The following DCDC1 variants were observed in gnomAD, a reference collection of about 807,000 sequenced individuals.
The protein encoded by DCDC1 is doublecortin domain-containing protein 1.
In DCDC1, 200 loss-of-function variants were observed where a neutral mutation model predicts 178.3. The ratio of observed to expected loss-of-function variants is 1.12; its 90% confidence interval spans 1.00 to 1.26. The LOEUF is 1.26. DCDC1 is among the 50% of genes most tolerant of loss of function. The pLI, the probability that DCDC1 is intolerant of heterozygous loss-of-function variation, is 0.00. For synonymous variants in DCDC1, 690 were observed against 604.8 expected, an observed-to-expected ratio of 1.14 and a Z score of -2.07; for missense variants, 1,983 against 1,749.2, an observed-to-expected ratio of 1.13 and a Z score of -2.38.
In DCDC1 at chr11:31,307,621, G is replaced by A. The variant is rs74994629; in HGVS notation, c.434+18C>T. The A allele has an allele frequency of 1.8e-4, 285 of 1,612,338 alleles. 1 individual carries two copies. In the African/African-American group the frequency reaches 3.5e-3, roughly 20 times the overall value. ...CTTCAACAATAGGTTAAAAAGAACAGAGAACAGCTTTGATTACCTCAGTTG... is the reference window on the plus strand; with the variant it reads ...CTTCAACAATAGGTTAAAAAGAACAAAGAACAGCTTTGATTACCTCAGTTG... On this transcript the variant is annotated intron_variant, in intron 4 of 38. Transcript: ENST00000684477.
At chr11:31,263,003 G>A (rs906817653) in intron 8 of DCDC1, 40 of 1,597,516 alleles carry the variant, frequency 2.5e-5, no homozygotes, top group Non-Finnish European at 3.1e-5. Flanking sequence ...TCTGGGATAC[G>A]TGAAGCACGA....
chr11:31,302,316 T>C (rs1324487825), intron 6 of DCDC1, among the ~76,000 whole-genome samples: 4 of 152,132 alleles, frequency 2.6e-5, no homozygotes, highest in Non-Finnish European at 5.9e-5. Context: ...GATCCAAGAA[T>C]TTTCACTGTG....
At position 31,303,346 on chromosome 11, in the gene DCDC1, T is replaced by C. The variant is rs574081786; in HGVS notation, c.754+2269A>G. Among the ~76,000 whole-genome samples, 13 of 152,322 alleles carry C rather than the reference T, an allele frequency of 8.5e-5. No individual in the cohort carries two copies. In the East Asian group the frequency reaches 2.1e-3, roughly 25 times the overall value. ...ATTTAGAAAGATACATCATTAACACTTAATTCTGCCAATTGATTTCCCCTA... is the reference window on the plus strand; with the variant it reads ...ATTTAGAAAGATACATCATTAACACCTAATTCTGCCAATTGATTTCCCCTA... On this transcript the variant is annotated intron_variant, in intron 6 of 38. Coordinates refer to ENST00000684477, the MANE Select transcript of DCDC1 (RefSeq NM_001387274.1).
At chr11:31,132,783 C>T (rs1962611317) in intron 10 of DCDC1, among the ~76,000 whole-genome samples, 1 of 152,310 alleles carries the variant, frequency 6.6e-6, no homozygotes, top group South Asian at 2.1e-4. Flanking sequence ...AGAAAGCCTA[C>T]ACATTCTACT....
intron 1 of DCDC1, among the ~76,000 whole-genome samples, chr11:31,341,445 G>A (rs546180824): frequency 7.4e-5 from 9 of 121,406 alleles, no homozygotes; most frequent in Non-Finnish European, 8.8e-5. Context: ...ATAGACATGT[G>A]TTGCTTAACA....
intron 20 of DCDC1, among the ~76,000 whole-genome samples, chr11:31,015,669 C>T (rs541246865): frequency 2.0e-5 from 3 of 152,118 alleles, no homozygotes; most frequent in East Asian, 1.9e-4. Context: ...GGTATGAATG[C>T]GGCGGTTTGG....
chr11:30,878,716 T>TAAA lies in DCDC1; in HGVS notation c.5234-8_5234-6dup. ...TCTCCATCAGTTGTTTTAACTCTGT[T>TAAA]AAAAAAAAAAAAAAAAGAAGTTGAG... is the stretch of plus-strand genomic sequence containing the variant. On this transcript the variant is annotated splice_region_variant and splice_polypyrimidine_tract_variant and intron_variant, in intron 37 of 38. Coordinates refer to ENST00000684477, the MANE Select transcript of DCDC1 (RefSeq NM_001387274.1). 1.7e-5 allele frequency: 24 copies of TAAA among 1,390,306 alleles called. No homozygotes were observed. Among genetic ancestry groups the TAAA allele is most frequent in the East Asian group, 7.8e-5 (3 of 38,574 alleles). 86.1% of individuals were successfully genotyped at this position (1,390,306 alleles called of 1,614,324 possible).
intron 20 of DCDC1, among the ~76,000 whole-genome samples, chr11:31,051,102 G>T (rs999275585): frequency 6.6e-6 from 1 of 152,092 alleles, no homozygotes; most frequent in African/African-American, 2.4e-5. Context: ...AGTGAAGGGA[G>T]AAATATTCAT....
intron 20 of DCDC1, among the ~76,000 whole-genome samples, chr11:31,057,233 C>T (rs989839621): frequency 6.4e-5 from 7 of 109,916 alleles, no homozygotes; most frequent in African/African-American, 1.8e-4. Context: ...GATTCTATCT[C>T]GAAAGAAAGA....
At chr11:30,982,406 A>T (rs188050730) in intron 20 of DCDC1, among the ~76,000 whole-genome samples, 11 of 152,316 alleles carry the variant, frequency 7.2e-5, no homozygotes, top group African/African-American at 2.4e-4. Context: ...CCTTTTTCAT[A>T]CAACTCAGAC....
At chr11:31,359,761 T>C (rs1301465232) in intron 1 of DCDC1, among the ~76,000 whole-genome samples, 1 of 152,144 alleles carries the variant, frequency 6.6e-6, no homozygotes, top group African/African-American at 2.4e-5. Flanking sequence ...CTGTCTAAAA[T>C]GTGGGGGTGT....
intron 29 of DCDC1, among the ~76,000 whole-genome samples, chr11:30,907,391 T>C (rs1945139982): frequency 6.6e-6 from 1 of 152,164 alleles, no homozygotes; most frequent in Non-Finnish European, 1.5e-5. Flanking sequence ...TTTTAAAATG[T>C]GACAGTTTTG....
chr11:30,929,603 C>T (rs1946802849), intron 22 of DCDC1, among the ~76,000 whole-genome samples: 1 of 151,932 alleles, frequency 6.6e-6, no homozygotes, highest in South Asian at 2.1e-4. Flanking sequence ...ACAAGCTCTA[C>T]TAAGGAGCTC....
chr11:31,239,007 T>C (rs1052515626), intron 9 of DCDC1, among the ~76,000 whole-genome samples: 2 of 152,114 alleles, frequency 1.3e-5, no homozygotes, highest in African/African-American at 4.8e-5. Context: ...TCGCAATTTA[T>C]TTAAAATAAA....
At chr11:31,137,506 C>G (rs539050047) in intron 10 of DCDC1, among the ~76,000 whole-genome samples, 186 bp downstream of exon 10, 1 of 150,358 alleles carries the variant, frequency 6.7e-6, no homozygotes, top group Non-Finnish European at 1.5e-5. Flanking sequence ...CCCGCCACCA[C>G]GCCCAGCTAA....
chr11:31,184,652 C>T (rs987732763), intron 9 of DCDC1, among the ~76,000 whole-genome samples: 10 of 152,100 alleles, frequency 6.6e-5, no homozygotes, highest in Admixed American at 5.9e-4. Context: ...ATGCAGCCAA[C>T]AAACATATGG....
At position 31,363,417 on chromosome 11, in the gene DCDC1, T is replaced by C. The variant is rs144227717; in HGVS notation, c.-125+6280A>G. Among the ~76,000 whole-genome samples, 178 of 152,308 alleles carry C rather than the reference T, an allele frequency of 1.2e-3. 1 individual carries two copies. In the East Asian group the frequency reaches 0.03, roughly 26 times the overall value. ...GTAACAAAGATAACAATGATACTAA[T>C]TATGTTTTCCATTGCTAATGATGAA... On this transcript the variant is annotated intron_variant, in intron 1 of 38. Coordinates refer to ENST00000684477, the MANE Select transcript of DCDC1 (RefSeq NM_001387274.1).
At position 30,903,625 on chromosome 11, in the gene DCDC1, G is replaced by A. The variant is rs777713809; in HGVS notation, c.4367C>T (p.Thr1456Ile). 6 of 1,611,294 alleles carry A rather than the reference G, an allele frequency of 3.7e-6. No homozygotes were observed. The highest frequency in any genetic ancestry group is 5.1e-6 in the Non-Finnish European group (6 of 1,178,792). Residue 1456 changes from threonine (T) to isoleucine (I), a missense_variant, in exon 32 of 39, where the codon ACC (threonine) becomes ATC (isoleucine). Transcript: ENST00000684477. ...GLARAASKVY[T>I]KDGTPIFTLR... ...GGTAAAGATTGGGGTTCCATCTTTGGTATATACTTTGGAGGCTGCTCTGGC... is the reference window on the plus strand; with the variant it reads ...GGTAAAGATTGGGGTTCCATCTTTGATATATACTTTGGAGGCTGCTCTGGC...
intron 4 of DCDC1, among the ~76,000 whole-genome samples, chr11:31,306,676 G>T (rs1288321646): frequency 1.3e-5 from 2 of 151,338 alleles, no homozygotes; most frequent in African/African-American, 4.9e-5. Flanking sequence ...AAACACAACA[G>T]TCCTTTTAAA....
Sources: gnomAD v4.1 joint callset for allele counts (sites outside exome capture counted in the v4.1 genomes callset) on GRCh38, gnomAD v4.1.1 for gene constraint, MANE v1.5 for transcripts, NCBI Gene and HGNC (gene_info 2026-07-23, HGNC 2026-07-21) for gene names.